MAP2: variants seen among roughly 807,000 people sequenced by gnomAD.
MAP2 encodes the protein microtubule associated protein 2.
In MAP2, 14 loss-of-function variants were observed where a neutral mutation model predicts 137.6. The observed-to-expected ratio is 0.10, with a 90% CI of 0.07 to 0.16. The LOEUF is 0.16. Among genes scored for constraint, MAP2 ranks in the 10% least tolerant of loss-of-function variants. The pLI is 1.00. For missense variants in MAP2, 2,088 were observed against 2,191.5 expected (o/e 0.95, Z 0.94); for synonymous variants, 786 against 782.3 (o/e 1.00, Z -0.08).
chr2:209,476,975 T>G (rs913334481), intron 1 of MAP2, among the ~76,000 whole-genome samples: 3 of 152,182 alleles, frequency 2.0e-5, no homozygotes, highest in Non-Finnish European at 4.4e-5. Context: ...GGCTGAGCTA[T>G]TTTTCTTTTT....
At chr2:209,660,730 T>TTAG (rs1478482747) in intron 5 of MAP2, among the ~76,000 whole-genome samples, 1 of 130,168 alleles carries the variant, frequency 7.7e-6, no homozygotes, top group African/African-American at 2.9e-5. Context: ...ATTATTATTA[T>TTAG]TATTATTATT....
intron 1 of MAP2, among the ~76,000 whole-genome samples, chr2:209,502,593 T>C (rs2060515466): frequency 6.6e-6 from 1 of 152,220 alleles, no homozygotes; most frequent in African/African-American, 2.4e-5. Flanking sequence ...ATTTTCTTTG[T>C]GTATTTTCCC....
At chr2:209,482,411 C>T (rs926501352) in intron 1 of MAP2, among the ~76,000 whole-genome samples, 3 of 152,160 alleles carry the variant, frequency 2.0e-5, no homozygotes, top group Non-Finnish European at 2.9e-5. Flanking sequence ...CCAATGTCAG[C>T]AGCATTGACT....
intron 3 of MAP2, among the ~76,000 whole-genome samples, chr2:209,584,296 A>G (rs1040541861): frequency 6.6e-6 from 1 of 152,112 alleles, no homozygotes; most frequent in Non-Finnish European, 1.5e-5. Flanking sequence ...GAGACAACGT[A>G]TGGAGGAGCT....
At chr2:209,595,350 A>G (rs2080958211) in intron 3 of MAP2, among the ~76,000 whole-genome samples, 1 of 152,194 alleles carries the variant, frequency 6.6e-6, no homozygotes, top group Admixed American at 6.5e-5. Context: ...GGCTTCAGTT[A>G]ATTGAAAGTT....
intron 5 of MAP2, chr2:209,661,369 C>G (rs542272257): frequency 4.0e-6 from 1 of 248,188 alleles, no homozygotes; most frequent in African/African-American, 2.3e-5. Flanking sequence ...AGCAAATAAA[C>G]AAGCTCGCCT....
chr2:209,603,962 A>G (rs1336782497), intron 3 of MAP2, among the ~76,000 whole-genome samples: 3 of 152,100 alleles, frequency 2.0e-5, no homozygotes, highest in Admixed American at 1.3e-4. Context: ...GTGGAGGGAC[A>G]TTGCAAATTC....
intron 4 of MAP2, among the ~76,000 whole-genome samples, chr2:209,629,943 C>G (rs879566202): frequency 1.3e-5 from 2 of 152,184 alleles, no homozygotes; most frequent in Non-Finnish European, 2.9e-5. Flanking sequence ...AGGTGGGCAC[C>G]ACCTGCTTCA....
intron 1 of MAP2, among the ~76,000 whole-genome samples, chr2:209,431,761 G>A (rs969669466): frequency 3.9e-5 from 6 of 152,052 alleles, no homozygotes; most frequent in Non-Finnish European, 8.8e-5. Context: ...CTGAGCTGAG[G>A]GTGGATTGAG....
intron 3 of MAP2, among the ~76,000 whole-genome samples, chr2:209,582,478 C>T (rs949585898): frequency 6.6e-6 from 1 of 152,070 alleles, no homozygotes; most frequent in Admixed American, 6.6e-5. Flanking sequence ...TTCCTAAATA[C>T]TACTCCCAGG....
Position 209,653,148 on chromosome 2 carries a change from G to T in MAP2, c.-23G>T, listed in dbSNP as rs751083442. The stretch of plus-strand genomic sequence containing the variant: ...ACTATTTTTTCTCTTTCAGTTGCAG[G>T]AGAAATAACAAGGCATTGAAGAATG... On this transcript the variant is annotated 5_prime_UTR_variant, in exon 5 of 16. Transcript: ENST00000682079. 1 of 1,557,494 alleles carries T rather than the reference G, an allele frequency of 6.4e-7. No homozygotes were observed. Among genetic ancestry groups the T allele is most frequent in the East Asian group, 2.3e-5 (1 of 44,230 alleles).
Position 209,695,710 on chromosome 2 carries a change from A to T in MAP2, c.3540A>T (p.Ser1180=). ...AAATACCTTGCCCACCTGCTGTTTC[A>T]GAGGCTGATTTAGCCACAGATGAGA... is the stretch of plus-strand genomic sequence containing the variant. ...SVEIPCPPAV[S]EADLATDERA... The change falls in exon 8 of 16, where the codon TCA becomes TCT. Residue 1180 remains serine (S), a synonymous_variant. Coordinates refer to ENST00000682079, the MANE Select transcript of MAP2 (RefSeq NM_001375505.1). 6.2e-7 allele frequency: 1 copy of T among 1,614,114 alleles called. No individual in the cohort carries two copies. Among genetic ancestry groups the T allele is most frequent in the African/African-American group, 1.3e-5 (1 of 75,052 alleles).
intron 1 of MAP2, among the ~76,000 whole-genome samples, chr2:209,426,740 C>A (rs1414335113): frequency 6.6e-6 from 1 of 152,188 alleles, no homozygotes; most frequent in Non-Finnish European, 1.5e-5. Flanking sequence ...GGGATATTTT[C>A]TCTTTTATGT....
intron 1 of MAP2, among the ~76,000 whole-genome samples, chr2:209,505,006 G>C (rs1474451723): frequency 6.6e-6 from 1 of 151,754 alleles, no homozygotes; most frequent in Non-Finnish European, 1.5e-5. Context: ...CACTCTCCTA[G>C]CATTTTTTCT....
chr2:209,474,654 G>A (rs903589426), intron 1 of MAP2, among the ~76,000 whole-genome samples: 10 of 151,840 alleles, frequency 6.6e-5, no homozygotes, highest in African/African-American at 2.4e-4. Flanking sequence ...TTAACTGTTC[G>A]TATAAGTAAC....
At chr2:209,627,569 A>G (rs983585770) in intron 4 of MAP2, among the ~76,000 whole-genome samples, 1 of 152,210 alleles carries the variant, frequency 6.6e-6, no homozygotes, top group Non-Finnish European at 1.5e-5. Flanking sequence ...CAGAGCCTGC[A>G]TTCAAACTCA....
intron 2 of MAP2, among the ~76,000 whole-genome samples, chr2:209,547,856 A>C (rs1449864454): frequency 6.6e-6 from 1 of 152,198 alleles, no homozygotes; most frequent in Admixed American, 6.5e-5. Context: ...AGAACTCATG[A>C]ATGTGCTTGA....
chr2:209,723,576 T>C, intron 13 of MAP2: 1 of 1,466,374 alleles, frequency 6.8e-7, no homozygotes, highest in Non-Finnish European at 9.6e-7. Context: ...ACAGTGAAGT[T>C]ACCTCCAATT....
At chr2:209,557,407 A>G (rs1291600362) in intron 2 of MAP2, among the ~76,000 whole-genome samples, 2 of 151,984 alleles carry the variant, frequency 1.3e-5, no homozygotes, top group Non-Finnish European at 2.9e-5. Flanking sequence ...AGACAGCAGG[A>G]AAAAAATGTG....
Sources: allele counts gnomAD v4.1 joint callset (sites outside exome capture counted in the v4.1 genomes callset), GRCh38; gene constraint gnomAD v4.1.1; transcripts MANE v1.5; gene names NCBI Gene and HGNC (gene_info 2026-07-23, HGNC 2026-07-21).